The following SLCO1A2 variants were observed in gnomAD, a reference collection of about 807,000 sequenced individuals.
The protein encoded by SLCO1A2 is OATP-1.
Under a neutral mutation model 69.0 loss-of-function variants are expected in SLCO1A2, and 67 were observed. The ratio of observed to expected loss-of-function variants is 0.97; its 90% CI spans 0.80 to 1.19. The LOEUF (loss-of-function observed/expected upper bound fraction) is 1.19, where lower values mean the gene tolerates loss of function less well. Ranked by LOEUF, SLCO1A2 falls within the 50% of genes most tolerant of loss-of-function variation. The pLI is 0.00. For synonymous variants in SLCO1A2, 260 were observed against 265.9 expected (o/e 0.98, Z 0.22); for missense variants, 787 against 793.7 (o/e 0.99, Z 0.10).
intron 1 of SLCO1A2, among the ~76,000 whole-genome samples, chr12:21,410,515 G>A (rs1287211889): frequency 6.6e-6 from 1 of 152,132 alleles, no homozygotes; most frequent in Non-Finnish European, 1.5e-5. Context: ...CCACAATGTA[G>A]TCATCTAATT....
rs752038027 is a variant in SLCO1A2, at chr12:21,311,063, GT to G, written c.335+3485del. ...AGTTTTCACAGGCTCTTCATCAGTAGTAGATTCCATCACAGGAAGCCACATT... is the reference window on the plus strand; with the variant it reads ...AGTTTTCACAGGCTCTTCATCAGTAGAGATTCCATCACAGGAAGCCACATT... On this transcript the variant is annotated intron_variant, in intron 4 of 14. Transcript: ENST00000683939. Among the ~76,000 whole-genome samples the G allele has an allele frequency of 4.6e-5, 7 of 152,190 alleles. No homozygotes were observed. The East Asian group carries it at 1.3e-3, about 29-fold the overall frequency.
chr12:21,361,858 A>C (rs527826209), intron 2 of SLCO1A2, among the ~76,000 whole-genome samples: 7 of 152,322 alleles, frequency 4.6e-5, no homozygotes, highest in African/African-American at 1.7e-4. Flanking sequence ...AAGAGTAAAA[A>C]GAAATGAACA....
chr12:21,299,118 C>T (rs74064512), intron 8 of SLCO1A2, among the ~76,000 whole-genome samples: 1,700 of 152,180 alleles, frequency 0.011, 32 homozygotes, highest in African/African-American at 0.039. Context: ...GAGACCCTCA[C>T]CATCCGTCAA....
intron 2 of SLCO1A2, among the ~76,000 whole-genome samples, chr12:21,370,649 C>T (rs1939716648): frequency 6.6e-6 from 1 of 151,446 alleles, no homozygotes; most frequent in Non-Finnish European, 1.5e-5. Context: ...TGTTTGGCAC[C>T]CTTAACATCT....
intron 1 of SLCO1A2, among the ~76,000 whole-genome samples, chr12:21,414,961 A>C (rs1369502376): frequency 2.6e-5 from 4 of 152,090 alleles, no homozygotes; most frequent in African/African-American, 9.7e-5. Flanking sequence ...ATGAATAACT[A>C]CACTAATTTT....
intron 1 of SLCO1A2, among the ~76,000 whole-genome samples, chr12:21,394,258 G>C (rs532574706): frequency 4.6e-5 from 7 of 152,102 alleles, no homozygotes; most frequent in Non-Finnish European, 1.0e-4. Flanking sequence ...GAAATGTTGG[G>C]TCAGTGCAGT....
intron 14 of SLCO1A2, among the ~76,000 whole-genome samples, chr12:21,272,556 A>AACTT (rs1049218805): frequency 9.2e-5 from 14 of 151,894 alleles, no homozygotes; most frequent in Non-Finnish European, 1.5e-4. Flanking sequence ...TTTTCCCTTT[A>AACTT]ACTTACTTAT....
chr12:21,341,678 C>T (rs1021583570), intron 2 of SLCO1A2, among the ~76,000 whole-genome samples: 5 of 151,968 alleles, frequency 3.3e-5, no homozygotes, highest in South Asian at 4.1e-4. Context: ...AGAGCTAGGA[C>T]GCATCCAGCG....
chr12:21,402,567 C>G (rs12308255), intron 1 of SLCO1A2, among the ~76,000 whole-genome samples: 16,417 of 151,992 alleles, frequency 0.11, 1,126 homozygotes, highest in East Asian at 0.38. Context: ...TATTGCAGTA[C>G]ACAATGTTTC....
Position 21,413,270 on chromosome 12 carries a change from C to T in SLCO1A2, c.-312+4612G>A, listed in dbSNP as rs1216530889. Among the ~76,000 whole-genome samples, 6 of 138,216 alleles carry T rather than the reference C, an allele frequency of 4.3e-5. No homozygotes were observed. The Admixed American group carries it at 4.5e-4, about 10-fold the overall frequency. 90.7% of individuals were successfully genotyped at this position (138,216 alleles called of 152,430 possible). ...TTTTTTTTTTTTGAGAAGGACCCTCCCTCTATCTCCCAGGCTGGAAAGCAG... is the reference window on the plus strand; with the variant it reads ...TTTTTTTTTTTTGAGAAGGACCCTCTCTCTATCTCCCAGGCTGGAAAGCAG... On this transcript the variant is annotated intron_variant, in intron 1 of 4. Transcript: ENST00000413682.
chr12:21,290,685 T>C (rs1359355314), intron 12 of SLCO1A2, among the ~76,000 whole-genome samples: 1 of 152,066 alleles, frequency 6.6e-6, no homozygotes, highest in East Asian at 1.9e-4. Context: ...ATGCAAAAGG[T>C]AAAGCGGGAA....
At chr12:21,415,054 A>G (rs931314559) in intron 1 of SLCO1A2, among the ~76,000 whole-genome samples, 1 of 151,966 alleles carries the variant, frequency 6.6e-6, no homozygotes, top group South Asian at 2.1e-4. Context: ...TTTGGTACAC[A>G]TTTGGATTAT....
intron 2 of SLCO1A2, among the ~76,000 whole-genome samples, chr12:21,346,765 ACACT>A (rs1953264542): frequency 6.6e-6 from 1 of 152,210 alleles, no homozygotes; most frequent in East Asian, 1.9e-4. Context: ...CATAAAAGTA[ACACT>A]CACACTTCCC....
intron 2 of SLCO1A2, among the ~76,000 whole-genome samples, chr12:21,326,174 C>T (rs1254153863): frequency 1.3e-5 from 2 of 152,190 alleles, no homozygotes; most frequent in Non-Finnish European, 2.9e-5. Flanking sequence ...CATGCCTTTG[C>T]TCCTCCTGCA....
upstream of SLCO1A2, among the ~76,000 whole-genome samples, chr12:21,396,607 A>G (rs1591915716): frequency 1.3e-5 from 2 of 152,040 alleles, no homozygotes; most frequent in African/African-American, 4.8e-5. Flanking sequence ...AAAAAATGTT[A>G]AGGGCAGCCA....
rs552772637 is a variant in SLCO1A2, at chr12:21,326,462, G to A, written c.61-7539C>T. Among the ~76,000 whole-genome samples the A allele has an allele frequency of 4.6e-5, 7 of 152,278 alleles. No individual in the cohort carries two copies. In the South Asian group the frequency reaches 1.0e-3, roughly 23 times the overall value. ...AAAGTTTGGAGCTTCCTACAGGCTT[G>A]AAGGGCTCGGAAGACAGGAAGATGT... On this transcript the variant is annotated intron_variant, in intron 2 of 14. Coordinates refer to ENST00000683939, the MANE Select transcript of SLCO1A2 (RefSeq NM_001386879.1).
chr12:21,309,458 G>C (rs1949836589), intron 4 of SLCO1A2, among the ~76,000 whole-genome samples: 1 of 152,086 alleles, frequency 6.6e-6, no homozygotes, highest in Non-Finnish European at 1.5e-5. Flanking sequence ...ACAGAGATTA[G>C]AACGGCATAG....
At chr12:21,372,057 C>T (rs902789639) in intron 2 of SLCO1A2, among the ~76,000 whole-genome samples, 11 of 151,684 alleles carry the variant, frequency 7.3e-5, no homozygotes, top group African/African-American at 2.7e-4. Context: ...AAAGAAAAAG[C>T]AATTTGGAGA....
At chr12:21,416,243 A>C (rs879328291) in intron 1 of SLCO1A2, among the ~76,000 whole-genome samples, 2 of 152,002 alleles carry the variant, frequency 1.3e-5, no homozygotes, top group Non-Finnish European at 2.9e-5. Flanking sequence ...CCTTGGAAAT[A>C]TTGGCTAATC....
Sources: allele counts gnomAD v4.1 joint callset (sites outside exome capture counted in the v4.1 genomes callset), GRCh38; gene constraint gnomAD v4.1.1; transcripts MANE v1.5; gene names NCBI Gene and HGNC (gene_info 2026-07-23, HGNC 2026-07-21).